The following ZBTB2 variants were observed in gnomAD, a reference collection of about 807,000 sequenced individuals.
The protein encoded by ZBTB2 is zinc finger and BTB domain-containing protein 2.
In ZBTB2, 2 loss-of-function variants were observed where a neutral mutation model predicts 39.5. The observed-to-expected ratio is 0.05, with a 90% CI of 0.02 to 0.16. ZBTB2 has a LOEUF of 0.16. ZBTB2 is among the 10% of genes least tolerant of loss of function. The pLI is 1.00. For synonymous variants in ZBTB2, 251 were observed against 256.6 expected (o/e 0.98, Z 0.21); for missense variants, 391 against 653.0 (o/e 0.60, Z 4.37).
chr6:151,368,806 C>A (rs978839704), intron 2 of ZBTB2, among the ~76,000 whole-genome samples: 1 of 151,540 alleles, frequency 6.6e-6, no homozygotes, highest in Non-Finnish European at 1.5e-5. Flanking sequence ...CTCTGCTGCC[C>A]AGGCTGGAGT....
In ZBTB2 at chr6:151,366,748, C is replaced by T. The variant is rs538970274; in HGVS notation, c.318G>A (p.Pro106=). Residue 106 remains proline, a synonymous_variant, in exon 3 of 3, where the codon CCG becomes CCA. Transcript: ENST00000325144. This position sits in a 1 kb window ranked among gnomAD's most constrained non-coding sequence, Gnocchi z 7.1. ...TGGCGAGGCTGGCTTCCTGAATGAG[C>T]GGGTAGGCGTGCAGAAACTTGATGC... ...EQGIKFLHAY[P]LIQEASLASQ... is the part of the protein sequence containing the mutation. 112 of 1,613,942 alleles carry T rather than the reference C, an allele frequency of 6.9e-5. No individual in the cohort carries two copies. Among genetic ancestry groups the T allele is most frequent in the Middle Eastern group, 6.6e-4 (4 of 6,084 alleles).
At chr6:151,379,906 C>T (rs12525200) in intron 1 of ZBTB2, among the ~76,000 whole-genome samples, 56,521 of 151,890 alleles carry the variant, frequency 0.37, 12,777 homozygotes, top group East Asian at 0.69. Flanking sequence ...TCTCTTTCCA[C>T]AAACGGACTA....
chr6:151,382,071 C>G (rs1022585761), intron 1 of ZBTB2, among the ~76,000 whole-genome samples: 1 of 152,150 alleles, frequency 6.6e-6, no homozygotes, highest in Non-Finnish European at 1.5e-5. Context: ...CAAACCTGGA[C>G]AGCATGTTAC....
At position 151,365,574 on chromosome 6, in the gene ZBTB2, G is replaced by T; in HGVS notation, c.1492C>A (p.His498Asn). ...SGDSEVTEPDHPVLASIKKEQ... is the reference protein window; with the variant it reads ...SGDSEVTEPDNPVLASIKKEQ... ...TTTTTGATGGAAGCTAACACTGGGT[G>T]GTCAGGCTCCGTTACTTCCGAGTCC... Residue 498 changes from histidine to asparagine, a missense_variant, in exon 3 of 3, where the codon CAC becomes AAC. His to Asn is a moderately conservative substitution (Grantham distance 68). Around this residue, in one of 7 missense-constraint regions of ZBTB2, gnomAD observed 49 missense variants for 55.6 expected, o/e 0.88. Transcript: ENST00000325144. The surrounding 1 kb of genome is among the most constrained non-coding windows in gnomAD (Gnocchi z 5.6). 1 of 1,614,166 alleles carries T rather than the reference G, an allele frequency of 6.2e-7. No homozygotes were observed. The highest frequency in any genetic ancestry group is 1.3e-5 in the African/African-American group (1 of 75,046).
At chr6:151,377,571 C>T (rs148454271) in intron 1 of ZBTB2, among the ~76,000 whole-genome samples, 2,270 of 135,980 alleles carry the variant, frequency 0.017, 61 homozygotes, top group African/African-American at 0.058. Context: ...GATCGAGTCT[C>T]GCTCTGTTGC....
intron 2 of ZBTB2, among the ~76,000 whole-genome samples, chr6:151,371,021 C>T (rs1327757321): frequency 6.6e-6 from 1 of 152,192 alleles, no homozygotes; most frequent in Non-Finnish European, 1.5e-5. Context: ...TTTTGCACTC[C>T]TCAAGATTAA....
In ZBTB2 at chr6:151,366,019, C is replaced by T; in HGVS notation, c.1047G>A (p.Leu349=). Reference sequence around the variant, plus strand: ...CCTCCCTCTCCTGGTCGGCCTGCTCCAGGTTGTCAATGTCAGCAATGTCTG... The same window carrying T: ...CCTCCCTCTCCTGGTCGGCCTGCTCTAGGTTGTCAATGTCAGCAATGTCTG... ...PPSDIADIDN[L]EQADQEREVK... The change falls in exon 3 of 3, where the codon CTG becomes CTA. Residue 349 remains leucine (L), a synonymous_variant. Transcript: ENST00000325144. The surrounding 1 kb of genome is among the most constrained non-coding windows in gnomAD (Gnocchi z 7.1). 6.2e-7 allele frequency: 1 copy of T among 1,614,160 alleles called. No individual in the cohort carries two copies. Among genetic ancestry groups the T allele is most frequent in the South Asian group, 1.1e-5 (1 of 91,082 alleles).
chr6:151,390,900 G>A (rs968008697), intron 1 of ZBTB2, among the ~76,000 whole-genome samples: 3 of 151,998 alleles, frequency 2.0e-5, no homozygotes, highest in Non-Finnish European at 2.9e-5. Context: ...CGCCTCTGAG[G>A]GCTCCAGCGC....
chr6:151,380,975 C>A (rs1037862979), intron 1 of ZBTB2, among the ~76,000 whole-genome samples: 1 of 152,192 alleles, frequency 6.6e-6, no homozygotes, highest in African/African-American at 2.4e-5. Context: ...CTCTTTATTT[C>A]CTGGCTCAGT....
intron 2 of ZBTB2, among the ~76,000 whole-genome samples, chr6:151,372,520 T>C (rs1022831285): frequency 1.3e-5 from 2 of 151,276 alleles, no homozygotes; most frequent in Non-Finnish European, 2.9e-5. Context: ...TGAAAACAGA[T>C]AAAAAGAACA....
chr6:151,386,881 AAAC>A (rs139952911), intron 1 of ZBTB2, among the ~76,000 whole-genome samples: 1 of 151,968 alleles, frequency 6.6e-6, no homozygotes, highest in African/African-American at 2.4e-5. Context: ...ATTCAATTAA[AAAC>A]AATAAGGCCA....
intron 1 of ZBTB2, among the ~76,000 whole-genome samples, chr6:151,390,977 C>T (rs1362710695): frequency 2.0e-5 from 3 of 150,880 alleles, no homozygotes; most frequent in African/African-American, 7.3e-5. Flanking sequence ...GAGGGACCGG[C>T]CACGGGGAAC....
chr6:151,389,531 A>G (rs1253174680), intron 1 of ZBTB2, among the ~76,000 whole-genome samples: 3 of 152,214 alleles, frequency 2.0e-5, no homozygotes, highest in Non-Finnish European at 4.4e-5. Flanking sequence ...TACATTAGCA[A>G]GGACAGGGCA....
intron 2 of ZBTB2, among the ~76,000 whole-genome samples, chr6:151,368,282 G>A (rs549484048): frequency 1.8e-4 from 28 of 152,120 alleles, no homozygotes; most frequent in African/African-American, 5.1e-4. Flanking sequence ...GAGTAGCTGG[G>A]ACTACAGGTG....
At chr6:151,374,713 A>G (rs949186491) in intron 1 of ZBTB2, among the ~76,000 whole-genome samples, 3 of 152,058 alleles carry the variant, frequency 2.0e-5, no homozygotes, top group Admixed American at 1.3e-4. Flanking sequence ...ACAGGAAATA[A>G]AAAGCATATA....
At chr6:151,386,990 A>G (rs116094007) in intron 1 of ZBTB2, among the ~76,000 whole-genome samples, 2,650 of 152,258 alleles carry the variant, frequency 0.017, 69 homozygotes, top group African/African-American at 0.061. Context: ...ATTCTCTTTA[A>G]CAGAAGACAA....
chr6:151,376,733 A>G (rs991517459), intron 1 of ZBTB2, among the ~76,000 whole-genome samples: 5 of 152,206 alleles, frequency 3.3e-5, no homozygotes, highest in Non-Finnish European at 7.3e-5. Flanking sequence ...GATCATTCAT[A>G]CACTGCTGGT....
intron 1 of ZBTB2, among the ~76,000 whole-genome samples, chr6:151,378,741 C>T (rs1778969429): frequency 6.6e-6 from 1 of 152,228 alleles, no homozygotes; most frequent in Non-Finnish European, 1.5e-5. Flanking sequence ...TGAGGTCCCA[C>T]AGCTTCAGGT....
At chr6:151,390,401 C>G (rs1015815490) in intron 1 of ZBTB2, among the ~76,000 whole-genome samples, 1 of 150,102 alleles carries the variant, frequency 6.7e-6, no homozygotes, top group African/African-American at 2.4e-5. Flanking sequence ...GCGACGCACT[C>G]CGGCCGCGTT....
Sources: gnomAD v4.1 joint callset for allele counts (sites outside exome capture counted in the v4.1 genomes callset) on GRCh38, gnomAD v4.1.1 for gene constraint, gnomAD v4.1.1 regional missense constraint, Gnocchi (gnomAD v3.1) non-coding constraint, MANE v1.5 for transcripts, NCBI Gene and HGNC (gene_info 2026-07-23, HGNC 2026-07-21) for gene names.